RSPRY1: variants seen among roughly 807,000 people sequenced by gnomAD.
RSPRY1 encodes the protein RING finger and SPRY domain-containing protein 1.
Under a neutral mutation model 73.1 loss-of-function variants are expected in RSPRY1, and 23 were observed. The observed-to-expected ratio is 0.31, with a 90% CI of 0.23 to 0.45. The LOEUF is 0.45. RSPRY1 is among the 20% of genes least tolerant of loss of function. The probability of loss-of-function intolerance (pLI) is 1.00; values close to 1 mark genes in which losing one functional copy is unlikely to be tolerated. For synonymous variants in RSPRY1, 226 were observed against 251.4 expected, an observed-to-expected ratio of 0.90 and a Z score of 0.95; for missense variants, 448 against 698.7, an observed-to-expected ratio of 0.64 and a Z score of 4.05.
intron 14 of RSPRY1, 129 bp from the exon 15 acceptor site, chr16:57,238,750 T>A (rs2075337655): frequency 1.9e-6 from 1 of 530,834 alleles, no homozygotes; most frequent in Admixed American, 3.6e-5. Context: ...TTCATTTTTT[T>A]TAAACCATGT....
rs548047161 is a variant in RSPRY1, at chr16:57,224,160, C to A, written c.1161+2745C>A. On this transcript the variant is annotated intron_variant, in intron 10 of 14. Coordinates refer to ENST00000394420, the MANE Select transcript of RSPRY1 (RefSeq NM_133368.3). ...GGCCAAGAAACAGGAAGTACAATAG[C>A]CGGTGTTTTAGGGAAACGATCTGGC... is the stretch of plus-strand genomic sequence containing the variant. Among the ~76,000 whole-genome samples the A allele has an allele frequency of 1.9e-4, 29 of 152,332 alleles. No individual in the cohort carries two copies. In the South Asian group the frequency reaches 5.8e-3, roughly 30 times the overall value.
chr16:57,213,118 C>T lies in RSPRY1; in HGVS notation c.643+20C>T. 6.2e-7 allele frequency: 1 copy of T among 1,604,188 alleles called. No individual in the cohort carries two copies. Among genetic ancestry groups the T allele is most frequent in the Non-Finnish European group, 8.5e-7 (1 of 1,175,168 alleles). ...TAGCAGGTAACTTTGGGACACTCCA[C>T]AGTGGAAGATCTTAAGTTGTTTGAC... On this transcript the variant is annotated intron_variant, in intron 5 of 14. Coordinates refer to ENST00000394420, the MANE Select transcript of RSPRY1 (RefSeq NM_133368.3).
rs867424072 is a variant in RSPRY1, at chr16:57,191,430, C to T, written c.-156+4979C>T. On this transcript the variant is annotated intron_variant, in intron 1 of 14. Coordinates refer to ENST00000394420, the MANE Select transcript of RSPRY1 (RefSeq NM_133368.3). The stretch of plus-strand genomic sequence containing the variant: ...ACAATATTGGAGTTTACTGTGGTCT[C>T]TTAATACTTTTTTCGCCCAGGAAGT... Among the ~76,000 whole-genome samples the T allele has an allele frequency of 2.6e-5, 4 of 152,266 alleles. No homozygotes were observed. In the South Asian group the frequency reaches 8.3e-4, roughly 32 times the overall value.
In RSPRY1 at chr16:57,217,017, T is replaced by A; in HGVS notation, c.883T>A (p.Trp295Arg). ...ACGTCAAGTTGGTTTCTGTGCCCAG[T>A]GGAGCTTAGACAATCTCTGTAAGTG... is the stretch of plus-strand genomic sequence containing the variant. ...LKRQVGFCAQ[W>R]SLDNLFLKEG... Residue 295 changes from tryptophan to arginine, a missense_variant, in exon 8 of 15, where the codon TGG becomes AGG. By Grantham distance (101) the Trp-to-Arg change is moderately radical. Coordinates refer to ENST00000394420, the MANE Select transcript of RSPRY1 (RefSeq NM_133368.3). The A allele has an allele frequency of 6.2e-7, 1 of 1,614,222 alleles. No individual in the cohort carries two copies. The highest frequency in any genetic ancestry group is 8.5e-7 in the Non-Finnish European group (1 of 1,180,040).
At chr16:57,215,290 G>A (rs1355101605) in intron 6 of RSPRY1, among the ~76,000 whole-genome samples, 5 of 152,204 alleles carry the variant, frequency 3.3e-5, no homozygotes, top group Non-Finnish European at 7.3e-5. Flanking sequence ...GCTAGAAAGG[G>A]TTTAGGGCCT....
At chr16:57,206,187 G>A (rs964283898) in intron 2 of RSPRY1, among the ~76,000 whole-genome samples, 2 of 152,220 alleles carry the variant, frequency 1.3e-5, no homozygotes, top group East Asian at 3.9e-4. Context: ...AAAGATAGCT[G>A]GAGGCCAGGA....
At chr16:57,220,905 C>A in intron 9 of RSPRY1, 58 bp downstream of exon 9, 3 of 1,202,824 alleles carry the variant, frequency 2.5e-6, no homozygotes, top group Non-Finnish European at 3.7e-6. Flanking sequence ...TTATTTTAAT[C>A]CTTGCATAGC....
chr16:57,191,687 A>C (rs2074354611), intron 1 of RSPRY1, among the ~76,000 whole-genome samples: 1 of 152,180 alleles, frequency 6.6e-6, no homozygotes, highest in African/African-American at 2.4e-5. Context: ...TGTGGGCAGG[A>C]ATATTTATAC....
In RSPRY1 at chr16:57,240,243, G is replaced by A. The variant is rs1441179747; in HGVS notation, c.*1268G>A. The A allele has an allele frequency of 6.6e-6, 1 of 151,306 alleles. No homozygotes were observed. The highest frequency in any genetic ancestry group is 6.6e-5 in the Admixed American group (1 of 15,146). The allele number at this position is 151,306 out of a possible 1,614,324, so 9.4% of individuals were successfully genotyped here. A position where few individuals can be genotyped will look rare whatever the true frequency, so the allele number is the denominator to read the frequency against. ...CTTTTTCCACCCCTTCTTGTTTGTA[G>A]TTCATTATACCTGTCCTATTACAGA... On this transcript the variant is annotated 3_prime_UTR_variant, in exon 15 of 15. Transcript: ENST00000394420.
chr16:57,189,390 G>GTAAGT, intron 1 of RSPRY1, among the ~76,000 whole-genome samples: 1 of 151,798 alleles, frequency 6.6e-6, no homozygotes, highest in African/African-American at 2.4e-5. Flanking sequence ...TTTTCATTTA[G>GTAAGT]TAAGTATCAA....
At chr16:57,212,574 T>G (rs1228505975) in intron 4 of RSPRY1, among the ~76,000 whole-genome samples, 1 of 152,140 alleles carries the variant, frequency 6.6e-6, no homozygotes, top group African/African-American at 2.4e-5. Flanking sequence ...CATTGCATAA[T>G]TTTTATATGG....
intron 11 of RSPRY1, 37 bp from the exon 12 acceptor site, chr16:57,230,674 C>T: frequency 8.7e-7 from 1 of 1,151,860 alleles, no homozygotes; most frequent in Non-Finnish European, 1.3e-6. Context: ...TGGTAGTACA[C>T]ATCATTATCC....
At chr16:57,235,014 T>G in intron 13 of RSPRY1, 110 bp from the exon 14 acceptor site, 1 of 707,552 alleles carries the variant, frequency 1.4e-6, no homozygotes, top group Non-Finnish European at 2.4e-6. Context: ...TGAACAAAGT[T>G]TAAGGAATAT....
At chr16:57,217,512 G>A (rs958362152) in intron 8 of RSPRY1, among the ~76,000 whole-genome samples, 12 of 152,280 alleles carry the variant, frequency 7.9e-5, no homozygotes, top group African/African-American at 2.9e-4. Flanking sequence ...TCCAAGGGCT[G>A]CTGGGACAAA....
At chr16:57,199,491 C>CA (rs1567487246) in intron 1 of RSPRY1, among the ~76,000 whole-genome samples, 2 of 150,534 alleles carry the variant, frequency 1.3e-5, no homozygotes, top group African/African-American at 4.9e-5. Context: ...GACTCCATCT[C>CA]AAAAAAAAGA....
rs114367965 is a variant in RSPRY1 at position 57,223,275 on chromosome 16, T to C, written c.1161+1860T>C. Among the ~76,000 whole-genome samples, 420 of 152,344 alleles carry C rather than the reference T, an allele frequency of 2.8e-3. 1 individual carries two copies. Among genetic ancestry groups the C allele is most frequent in the African/African-American group, 9.5e-3 (395 of 41,580 alleles). The stretch of plus-strand genomic sequence containing the variant: ...ACCCAGTTTCAAAAGATTCTAAGTC[T>C]CTGCATAGTGCCTCTTACTTGAATT... On this transcript the variant is annotated intron_variant, in intron 10 of 14. Transcript: ENST00000394420.
chr16:57,189,758 A>G (rs1007789683), intron 1 of RSPRY1, among the ~76,000 whole-genome samples: 3 of 151,212 alleles, frequency 2.0e-5, no homozygotes, highest in Non-Finnish European at 4.4e-5. Flanking sequence ...CACCTGGCCA[A>G]TTTTTGCACT....
At position 57,231,262 on chromosome 16, in the gene RSPRY1, T is replaced by G. The variant is rs779133115; in HGVS notation, c.1472T>G (p.Phe491Cys). 5 of 1,613,900 alleles carry G rather than the reference T, an allele frequency of 3.1e-6. No individual in the cohort carries two copies. Among genetic ancestry groups the G allele is most frequent in the Non-Finnish European group, 2.5e-6 (3 of 1,179,948 alleles). ...TTCAAATACCCACCATCTATGAAAT[T>G]TAGCACTTTTAATGACTACGCCTTC... The part of the protein sequence containing the change: ...KPFKYPPSMK[F>C]STFNDYAFLT... The change falls in exon 13 of 15, where the codon TTT becomes TGT. Residue 491 changes from phenylalanine (F) to cysteine (C), a missense_variant. By Grantham distance (205) the Phe-to-Cys change is radical (BLOSUM62 -2). Transcript: ENST00000394420.
rs145723767 is a variant in RSPRY1 at position 57,228,168 on chromosome 16, G to T, written c.1273+715G>T. 4.7e-3 allele frequency among the ~76,000 whole-genome samples: 718 copies of T among 151,902 alleles called. 7 individuals are homozygous for T. The highest frequency in any genetic ancestry group is 0.016 in the African/African-American group (668 of 41,396). On this transcript the variant is annotated intron_variant, in intron 11 of 14. Coordinates refer to ENST00000394420, the MANE Select transcript of RSPRY1 (RefSeq NM_133368.3). ...CCCACCTGCGGTCCCGGCTACTTGG[G>T]AGGCTGAGGCAGGAGAATCAGTTGA...
Sources: allele counts gnomAD v4.1 joint callset (sites outside exome capture counted in the v4.1 genomes callset), GRCh38; gene constraint gnomAD v4.1.1; transcripts MANE v1.5; gene names NCBI Gene and HGNC (gene_info 2026-07-23, HGNC 2026-07-21).